EXOC2: variants seen among roughly 807,000 people sequenced by gnomAD.
EXOC2 encodes SEC5-like 1.
A neutral mutation model predicts 131.8 loss-of-function variants in EXOC2; 70 were observed. That is an observed-to-expected ratio of 0.53 (90% CI 0.44 to 0.65). The LOEUF (loss-of-function observed/expected upper bound fraction) is 0.65, where lower values mean the gene tolerates loss of function less well. EXOC2 is among the 30% of genes least tolerant of loss of function. EXOC2 has a pLI of 0.00. For missense variants in EXOC2, 923 were observed against 1,108.6 expected (o/e 0.83, Z 2.38); for synonymous variants, 411 against 398.4 (o/e 1.03, Z -0.38).
intron 19 of EXOC2, 112 bp from the exon 20 acceptor site, chr6:555,400 G>A: frequency 3.4e-6 from 2 of 596,458 alleles, no homozygotes; most frequent in Admixed American, 6.0e-5. Context: ...TCTCATTAGT[G>A]GTGTGGTGTT....
chr6:622,106 T>C (rs2127685632), intron 4 of EXOC2, among the ~76,000 whole-genome samples: 1 of 152,338 alleles, frequency 6.6e-6, no homozygotes, highest in East Asian at 1.9e-4. Flanking sequence ...CTAGAAAGAA[T>C]GACATGACCA....
chr6:532,542 A>G lies in EXOC2; in HGVS notation c.2307T>C (p.Asp769=). ...LFENYIELKA[D]PIVGSLEPGI... ...CAGGTTCTAAGGAGCCAACGATGGGATCTGCTTTCAACTCGATGTAATTTT... is the reference window on the plus strand; with the variant it reads ...CAGGTTCTAAGGAGCCAACGATGGGGTCTGCTTTCAACTCGATGTAATTTT... The change falls in exon 23 of 28, where the codon GAT becomes GAC. Residue 769 remains aspartate, a synonymous_variant. Coordinates refer to ENST00000230449, the MANE Select transcript of EXOC2 (RefSeq NM_018303.6). 1 of 1,609,754 alleles carries G rather than the reference A, an allele frequency of 6.2e-7. No homozygotes were observed. Among genetic ancestry groups the G allele is most frequent in the Non-Finnish European group, 8.5e-7 (1 of 1,178,760 alleles).
intron 1 of EXOC2, chr6:656,627 G>A: frequency 6.2e-7 from 1 of 1,605,246 alleles, no homozygotes; most frequent in Non-Finnish European, 8.5e-7. Context: ...GGCGGCGCTT[G>A]TGGGTCAGCT....
In EXOC2 at chr6:633,096, T is replaced by C; in HGVS notation, c.140A>G (p.Asn47Ser). 1 of 1,613,548 alleles carries C rather than the reference T, an allele frequency of 6.2e-7. No individual in the cohort carries two copies. The highest frequency in any genetic ancestry group is 8.5e-7 in the Non-Finnish European group (1 of 1,180,008). Residue 47 changes from asparagine to serine, a missense_variant, in exon 3 of 28, where the codon AAT (asparagine) becomes AGT (serine). Coordinates refer to ENST00000230449, the MANE Select transcript of EXOC2 (RefSeq NM_018303.6). The part of the protein sequence containing the change: ...DLIGLTICGH[N>S]CLLTAEWMSA... ...CATCCATTCTGCCGTCAGGAGGCAA[T>C]TATGTCCACAAATGGTCAAGCCTGA...
intron 1 of EXOC2, among the ~76,000 whole-genome samples, chr6:671,863 A>G (rs767234771): frequency 6.6e-6 from 1 of 151,552 alleles, no homozygotes; most frequent in African/African-American, 2.4e-5. Context: ...TATTTTTTAT[A>G]TTTTTCTACA....
intron 24 of EXOC2, among the ~76,000 whole-genome samples, chr6:499,124 C>T (rs1763896532): frequency 6.6e-6 from 1 of 152,150 alleles, no homozygotes; most frequent in Admixed American, 6.5e-5. Context: ...AGCACCAATA[C>T]TGTCTGCATG....
chr6:677,934 T>TCTCACACACACA (rs111239666), intron 1 of EXOC2, among the ~76,000 whole-genome samples: 64 of 147,312 alleles, frequency 4.3e-4, no homozygotes, highest in African/African-American at 7.8e-4. Context: ...TTATAATCTC[T>TCTCACACACACA]CACACACACA....
intron 13 of EXOC2, among the ~76,000 whole-genome samples, chr6:570,973 T>C (rs1581463182): frequency 6.6e-6 from 1 of 152,114 alleles, no homozygotes; most frequent in Admixed American, 6.5e-5. Flanking sequence ...CTCAGCATGG[T>C]GAGCCCCACA....
At chr6:682,924 G>T (rs1347732901) in intron 1 of EXOC2, among the ~76,000 whole-genome samples, 1 of 151,602 alleles carries the variant, frequency 6.6e-6, no homozygotes, top group Non-Finnish European at 1.5e-5. Flanking sequence ...AGAAATACAG[G>T]ATGGTATCAT....
intron 23 of EXOC2, among the ~76,000 whole-genome samples, chr6:530,357 A>G (rs529128228): frequency 1.3e-5 from 2 of 152,234 alleles, no homozygotes; most frequent in South Asian, 4.1e-4. Context: ...GCATCAGCTG[A>G]GTGTCACAGA....
At chr6:574,918 C>T (rs149535858) in intron 12 of EXOC2, among the ~76,000 whole-genome samples, 1 of 152,248 alleles carries the variant, frequency 6.6e-6, no homozygotes, top group African/African-American at 2.4e-5. Flanking sequence ...TGGCAGGTGG[C>T]GTGCCACAGG....
At chr6:526,683 G>A (rs921554748) in intron 23 of EXOC2, among the ~76,000 whole-genome samples, 12 of 151,828 alleles carry the variant, frequency 7.9e-5, no homozygotes, top group Admixed American at 2.6e-4. Context: ...CAGGTGATCC[G>A]CCCGCCTCAG....
intron 1 of EXOC2, among the ~76,000 whole-genome samples, chr6:672,221 C>T (rs570606706): frequency 5.3e-5 from 8 of 152,294 alleles, no homozygotes; most frequent in African/African-American, 1.7e-4. Flanking sequence ...TACTGATGTG[C>T]TCATCAATGG....
At chr6:534,554 T>C (rs1766321466) in intron 22 of EXOC2, among the ~76,000 whole-genome samples, 2 of 152,174 alleles carry the variant, frequency 1.3e-5, no homozygotes, top group South Asian at 4.1e-4. Context: ...CATGCAGTAC[T>C]GGGAGCTGAA....
In EXOC2 at chr6:625,550, A is replaced by G. The variant is rs77454406; in HGVS notation, c.422+4285T>C. ...TTTTTTTTTTTTTTTTGTCTGACCC[A>G]GTTTCTGGACTTGAAGGCGTTCTCA... On this transcript the variant is annotated intron_variant, in intron 4 of 27. Coordinates refer to ENST00000230449, the MANE Select transcript of EXOC2 (RefSeq NM_018303.6). Among the ~76,000 whole-genome samples, 528 of 83,770 alleles carry G rather than the reference A, an allele frequency of 6.3e-3. 3 individuals carry two copies. The highest frequency in any genetic ancestry group is 0.021 in the African/African-American group (506 of 23,948). 55.0% of individuals were successfully genotyped at this position (83,770 alleles called of 152,430 possible).
At chr6:656,741 C>T in intron 1 of EXOC2, 1 of 1,590,670 alleles carries the variant, frequency 6.3e-7, no homozygotes, top group Non-Finnish European at 8.6e-7. Flanking sequence ...AGACACCTTC[C>T]ATGCGAAACT....
intron 17 of EXOC2, 27 bp downstream of exon 17, chr6:562,757 T>C: frequency 6.6e-7 from 1 of 1,505,458 alleles, no homozygotes; most frequent in Middle Eastern, 1.7e-4. Context: ...CACTAATGAC[T>C]AATAATTGAA....
chr6:498,640 A>C (rs1291667754), intron 24 of EXOC2, among the ~76,000 whole-genome samples: 1 of 152,120 alleles, frequency 6.6e-6, no homozygotes, highest in African/African-American at 2.4e-5. Context: ...GGCGCTTCAA[A>C]CTTCTAGCCA....
chr6:508,836 C>T (rs567351315), intron 23 of EXOC2, among the ~76,000 whole-genome samples: 4 of 152,294 alleles, frequency 2.6e-5, no homozygotes, highest in South Asian at 2.1e-4. Flanking sequence ...TGTCTAGTTT[C>T]GTAAGAGGCT....
Sources: allele counts gnomAD v4.1 joint callset (sites outside exome capture counted in the v4.1 genomes callset), GRCh38; gene constraint gnomAD v4.1.1; transcripts MANE v1.5; gene names NCBI Gene and HGNC (gene_info 2026-07-23, HGNC 2026-07-21).